The following KCNH7 variants were observed in gnomAD, a reference collection of about 807,000 sequenced individuals.
KCNH7 encodes the protein voltage-gated inwardly rectifying potassium channel KCNH7.
In KCNH7, 49 loss-of-function variants were observed where a neutral mutation model predicts 120.8. The observed-to-expected ratio is 0.41, with a 90% CI of 0.32 to 0.51. KCNH7 has a LOEUF of 0.51. Among genes scored for constraint, KCNH7 ranks in the 20% least tolerant of loss-of-function variants. The pLI, the probability that KCNH7 is intolerant of heterozygous loss-of-function variation, is 0.38. For synonymous variants in KCNH7, 547 were observed against 516.1 expected (o/e 1.06, Z -0.81); for missense variants, 1,097 against 1,446.6 (o/e 0.76, Z 3.92).
At chr2:162,421,292 A>G (rs994436743) in intron 9 of KCNH7, among the ~76,000 whole-genome samples, 15 of 152,318 alleles carry the variant, frequency 9.8e-5, no homozygotes, top group Admixed American at 7.2e-4. Flanking sequence ...CATTTTATTT[A>G]TGACAATTGT....
chr2:162,457,480 G>C (rs938576138), intron 6 of KCNH7, among the ~76,000 whole-genome samples: 3 of 152,078 alleles, frequency 2.0e-5, no homozygotes, highest in African/African-American at 4.8e-5. Flanking sequence ...CTTCATGCTA[G>C]TACACTGCTA....
intron 2 of KCNH7, among the ~76,000 whole-genome samples, chr2:162,605,384 G>C (rs1037463972): frequency 6.6e-6 from 1 of 152,044 alleles, no homozygotes; most frequent in African/African-American, 2.4e-5. Flanking sequence ...GATTAATTTT[G>C]CTTTTCAATT....
chr2:162,683,958 G>T (rs997633196), intron 2 of KCNH7, among the ~76,000 whole-genome samples: 2 of 151,964 alleles, frequency 1.3e-5, no homozygotes, highest in East Asian at 1.9e-4. Flanking sequence ...GTACTACAAG[G>T]CTACGGTAAC....
intron 6 of KCNH7, among the ~76,000 whole-genome samples, chr2:162,499,216 C>T (rs1690595193): frequency 6.6e-6 from 1 of 152,054 alleles, no homozygotes; most frequent in African/African-American, 2.4e-5. Context: ...TAGAATAGTG[C>T]AAAAGTGTGG....
chr2:162,836,498 G>T, intron 2 of KCNH7, 39 bp downstream of exon 2: 1 of 1,511,370 alleles, frequency 6.6e-7, no homozygotes. Flanking sequence ...TCTTTTCAAT[G>T]GGATCAAATA....
At chr2:162,633,929 A>T (rs1683853155) in intron 2 of KCNH7, among the ~76,000 whole-genome samples, 1 of 152,062 alleles carries the variant, frequency 6.6e-6, no homozygotes, top group Non-Finnish European at 1.5e-5. Context: ...CTTTGCATTA[A>T]CTGAAATCTT....
chr2:162,718,261 T>A (rs984772390), intron 2 of KCNH7, among the ~76,000 whole-genome samples: 2 of 151,956 alleles, frequency 1.3e-5, no homozygotes, highest in African/African-American at 4.8e-5. Context: ...TTTTAACATA[T>A]CAGGCTGTAA....
intron 2 of KCNH7, among the ~76,000 whole-genome samples, chr2:162,571,378 G>A (rs1418426177): frequency 2.6e-5 from 4 of 151,378 alleles, no homozygotes; most frequent in African/African-American, 9.7e-5. Context: ...ACAAACCACT[G>A]CTCAATGAAA....
In KCNH7 at chr2:162,838,605, C is replaced by A; in HGVS notation, c.-87G>T. 2.9e-6 allele frequency: 3 copies of A among 1,028,450 alleles called. No homozygotes were observed. The highest frequency in any genetic ancestry group is 1.5e-5 in the South Asian group (1 of 66,480). 63.7% of individuals were successfully genotyped at this position (1,028,450 alleles called of 1,614,324 possible). ...CTCGGCTAGAGCCCAGGCCAGCGCGCGAGCCGCTCTTTGTGGCAGAGCATC... is the reference window on the plus strand; with the variant it reads ...CTCGGCTAGAGCCCAGGCCAGCGCGAGAGCCGCTCTTTGTGGCAGAGCATC... On this transcript the variant is annotated 5_prime_UTR_variant, in exon 1 of 16. Transcript: ENST00000332142.
At chr2:162,763,998 G>T (rs1689058260) in intron 2 of KCNH7, among the ~76,000 whole-genome samples, 1 of 151,832 alleles carries the variant, frequency 6.6e-6, no homozygotes, top group Non-Finnish European at 1.5e-5. Context: ...TTTTTCCTCT[G>T]TCCTAAGGAA....
chr2:162,391,515 C>A (rs1010411747), intron 12 of KCNH7, among the ~76,000 whole-genome samples: 2 of 152,040 alleles, frequency 1.3e-5, no homozygotes, highest in African/African-American at 4.8e-5. Flanking sequence ...TACTTACTGG[C>A]ACAACCAGGA....
At chr2:162,589,723 T>C (rs1012255652) in intron 2 of KCNH7, among the ~76,000 whole-genome samples, 1 of 152,030 alleles carries the variant, frequency 6.6e-6, no homozygotes, top group Non-Finnish European at 1.5e-5. Flanking sequence ...ACTGGTAAAA[T>C]GAGTTTCAAA....
At chr2:162,489,032 T>C (rs1410264251) in intron 6 of KCNH7, among the ~76,000 whole-genome samples, 1 of 152,220 alleles carries the variant, frequency 6.6e-6, no homozygotes, top group Non-Finnish European at 1.5e-5. Flanking sequence ...TAATTCGGTA[T>C]TTTAAACTGA....
intron 2 of KCNH7, among the ~76,000 whole-genome samples, chr2:162,625,190 C>T (rs544069624): frequency 6.6e-6 from 1 of 152,090 alleles, no homozygotes; most frequent in African/African-American, 2.4e-5. Context: ...AGCCACCATG[C>T]CAAGTCAAAG....
intron 2 of KCNH7, among the ~76,000 whole-genome samples, chr2:162,825,276 C>T (rs926678499): frequency 6.6e-6 from 1 of 151,804 alleles, no homozygotes; most frequent in Non-Finnish European, 1.5e-5. Context: ...TTTCAAAATA[C>T]TTAGCATGTT....
chr2:162,478,137 G>C (rs2105670068), intron 6 of KCNH7, among the ~76,000 whole-genome samples: 3 of 152,292 alleles, frequency 2.0e-5, no homozygotes, highest in Middle Eastern at 6.8e-3. Context: ...ATAGAGGTCA[G>C]ACTAGACACA....
intron 3 of KCNH7, among the ~76,000 whole-genome samples, chr2:162,533,675 A>G (rs1240310349): frequency 1.3e-5 from 2 of 151,760 alleles, no homozygotes; most frequent in South Asian, 2.1e-4. Context: ...CAATATTCAT[A>G]AAACAGAAAT....
At chr2:162,565,488 A>G (rs1288588270) in intron 2 of KCNH7, among the ~76,000 whole-genome samples, 1 of 152,108 alleles carries the variant, frequency 6.6e-6, no homozygotes, top group African/African-American at 2.4e-5. Context: ...AGAAGTACCA[A>G]AGGATGACAG....
chr2:162,710,079 A>G (rs1050051190), intron 2 of KCNH7, among the ~76,000 whole-genome samples: 1 of 152,158 alleles, frequency 6.6e-6, no homozygotes, highest in Admixed American at 6.6e-5. Flanking sequence ...GGTGACAGCC[A>G]AAGACTTGCC....
Sources: allele counts gnomAD v4.1 joint callset (sites outside exome capture counted in the v4.1 genomes callset), GRCh38; gene constraint gnomAD v4.1.1; transcripts MANE v1.5; gene names NCBI Gene and HGNC (gene_info 2026-07-23, HGNC 2026-07-21).